Variants in NINL observed in about 807,000 individuals in gnomAD.
The protein encoded by NINL is ninein-like protein.
Under a neutral mutation model 160.3 loss-of-function variants are expected in NINL, and 153 were observed. The observed-to-expected ratio is 0.95, with a 90% CI of 0.84 to 1.09. The LOEUF (loss-of-function observed/expected upper bound fraction) is 1.09. Among genes scored for constraint, NINL ranks in the 50% least tolerant of loss-of-function variants. The probability of loss-of-function intolerance (pLI) is 0.00; values close to 1 mark genes in which losing one functional copy is unlikely to be tolerated. For missense variants in NINL, 1,829 were observed against 1,764.0 expected (o/e 1.04, Z -0.66); for synonymous variants, 800 against 734.8 (o/e 1.09, Z -1.43).
intron 14 of NINL, chr20:25,481,694 A>G (rs1375112987): frequency 2.1e-6 from 1 of 471,492 alleles, no homozygotes; most frequent in East Asian, 3.5e-5. Flanking sequence ...GTGTCACTGA[A>G]ACAGCTCTGA....
chr20:25,526,353 A>C (rs1379345133), intron 2 of NINL, 55 bp downstream of exon 2: 2 of 1,486,674 alleles, frequency 1.3e-6, no homozygotes, highest in Admixed American at 2.0e-5. Flanking sequence ...AATGCCCATA[A>C]GAGCCAACTA....
chr20:25,573,994 C>T (rs115798628), intron 1 of NINL, among the ~76,000 whole-genome samples: 11 of 152,126 alleles, frequency 7.2e-5, no homozygotes, highest in South Asian at 6.2e-4. Flanking sequence ...GAAACAGGAA[C>T]CAATAAGGGA....
intron 1 of NINL, among the ~76,000 whole-genome samples, chr20:25,574,886 C>T (rs567182230): frequency 6.6e-6 from 1 of 151,972 alleles, no homozygotes; most frequent in Non-Finnish European, 1.5e-5. Flanking sequence ...GAGAAAAATA[C>T]AGTATTTCAT....
In NINL at chr20:25,535,888, G is replaced by T. The variant is rs139612620; in HGVS notation, c.-11-9290C>A. ...AGCCAAGGGAAGGGAAAGGGGAAAT[G>T]ATTAGAATAATACAAGACTTTTCCA... is the stretch of plus-strand genomic sequence containing the variant. On this transcript the variant is annotated intron_variant, in intron 1 of 23. Transcript: ENST00000278886. Among the ~76,000 whole-genome samples, 539 of 152,286 alleles carry T rather than the reference G, an allele frequency of 3.5e-3. 3 individuals carry two copies. The highest frequency in any genetic ancestry group is 0.012 in the African/African-American group (518 of 41,554).
intron 1 of NINL, among the ~76,000 whole-genome samples, chr20:25,566,816 A>G (rs1383660404): frequency 6.6e-6 from 1 of 152,024 alleles, no homozygotes; most frequent in Non-Finnish European, 1.5e-5. Flanking sequence ...CAACAACAAC[A>G]ACAACAACAA....
intron 14 of NINL, 49 bp from the exon 15 acceptor site, chr20:25,480,316 G>A: frequency 6.7e-7 from 1 of 1,497,860 alleles, no homozygotes; most frequent in Non-Finnish European, 9.3e-7. Context: ...ATGCCACGGG[G>A]GCCCCTTCCA....
chr20:25,483,543 C>G (rs956134804), intron 13 of NINL, among the ~76,000 whole-genome samples: 2 of 152,376 alleles, frequency 1.3e-5, no homozygotes, highest in Admixed American at 1.3e-4. Flanking sequence ...TGCTTCAGAT[C>G]ATATGCTGCA....
chr20:25,543,134 C>T (rs1356654167), intron 1 of NINL, among the ~76,000 whole-genome samples: 2 of 151,978 alleles, frequency 1.3e-5, no homozygotes, highest in Non-Finnish European at 2.9e-5. Flanking sequence ...GTAGATGATA[C>T]AATCTGTGTA....
chr20:25,505,137 A>C, intron 5 of NINL, 59 bp from the exon 6 acceptor site: 5 of 1,433,348 alleles, frequency 3.5e-6, no homozygotes, highest in Non-Finnish European at 4.6e-6. Context: ...AGCACGACTC[A>C]GCCTTAGAAA....
At chr20:25,561,167 CCTGCGATT>C (rs1320471540) in intron 1 of NINL, among the ~76,000 whole-genome samples, 2 of 152,154 alleles carry the variant, frequency 1.3e-5, no homozygotes, top group Non-Finnish European at 2.9e-5. Context: ...CTGCCGAGTG[CCTGCGATT>C]GCAGGCGCGC....
intron 15 of NINL, 85 bp downstream of exon 15, chr20:25,480,076 G>A: frequency 1.1e-6 from 1 of 944,924 alleles, no homozygotes; most frequent in Non-Finnish European, 1.7e-6. Context: ...GCAGACGCAT[G>A]TGGAAATGTC....
intron 13 of NINL, among the ~76,000 whole-genome samples, chr20:25,482,414 C>T (rs1225388675): frequency 1.8e-4 from 28 of 152,220 alleles, no homozygotes; most frequent in Admixed American, 1.8e-3. Context: ...TCTCAGCTCA[C>T]TTCAGCCTCC....
intron 1 of NINL, among the ~76,000 whole-genome samples, chr20:25,583,529 G>A (rs1345432994): frequency 2.6e-5 from 4 of 152,200 alleles, no homozygotes; most frequent in Non-Finnish European, 4.4e-5. Context: ...GTTGGTGGGA[G>A]TGTAAATTAG....
chr20:25,515,549 G>A (rs1376687221), intron 3 of NINL, among the ~76,000 whole-genome samples: 1 of 152,140 alleles, frequency 6.6e-6, no homozygotes, highest in Non-Finnish European at 1.5e-5. Flanking sequence ...TGAAATGTGA[G>A]AAGGACATGC....
rs1425752364 is a variant in NINL at position 25,498,266 on chromosome 20, G to T, written c.1113C>A (p.Asp371Glu). ...CCAGGGCTGCCTGCTGGACGGCACT[G>T]TCCACTGTCATGAGCTCGTTGTCAA... Reference protein sequence around the residue: ...WALDNELMTVDSAVQQAALAC... With the variant: ...WALDNELMTVESAVQQAALAC... Residue 371 changes from aspartate (D) to glutamate (E), a missense_variant, in exon 9 of 24, where the codon GAC (aspartate) becomes GAA (glutamate). Transcript: ENST00000278886. The T allele has an allele frequency of 6.2e-7, 1 of 1,613,234 alleles. No homozygotes were observed. Among genetic ancestry groups the T allele is most frequent in the African/African-American group, 1.3e-5 (1 of 74,916 alleles).
intron 1 of NINL, among the ~76,000 whole-genome samples, chr20:25,535,362 A>G (rs2064538376): frequency 6.6e-6 from 1 of 152,202 alleles, no homozygotes; most frequent in Non-Finnish European, 1.5e-5. Flanking sequence ...ACAGTTAATA[A>G]TAACATATTG....
chr20:25,570,694 C>CTTTTT (rs57981279), intron 1 of NINL, among the ~76,000 whole-genome samples: 17 of 91,004 alleles, frequency 1.9e-4, no homozygotes, highest in Non-Finnish European at 2.8e-4. Flanking sequence ...GGCAAGTAGA[C>CTTTTT]TTTTTTTTTT....
chr20:25,486,279 A>C (rs987557181), intron 13 of NINL, among the ~76,000 whole-genome samples: 1 of 152,262 alleles, frequency 6.6e-6, no homozygotes, highest in African/African-American at 2.4e-5. Context: ...GAAATATCTG[A>C]ATAAATAGGT....
At chr20:25,485,734 T>C (rs369230267) in intron 13 of NINL, among the ~76,000 whole-genome samples, 20 of 152,346 alleles carry the variant, frequency 1.3e-4, no homozygotes, top group African/African-American at 4.8e-4. Flanking sequence ...ATTGTAAAAA[T>C]CTATTATGAA....
Sources: allele counts gnomAD v4.1 joint callset (sites outside exome capture counted in the v4.1 genomes callset), GRCh38; gene constraint gnomAD v4.1.1; transcripts MANE v1.5; gene names NCBI Gene and HGNC (gene_info 2026-07-23, HGNC 2026-07-21).